HECW1: variants seen among roughly 807,000 people sequenced by gnomAD.
HECW1 encodes the protein HECT, C2 and WW domain containing E3 ubiquitin protein ligase 1.
In HECW1, 61 loss-of-function variants were observed where a neutral mutation model predicts 182.3. The ratio of observed to expected loss-of-function variants is 0.33; its 90% CI spans 0.27 to 0.41. The LOEUF (loss-of-function observed/expected upper bound fraction) is 0.41. Ranked by LOEUF, HECW1 falls within the 10% of genes least tolerant of loss-of-function variation. The pLI is 1.00. For missense variants in HECW1, 1,739 were observed against 2,108.9 expected (o/e 0.82, Z 3.44); for synonymous variants, 859 against 832.6 (o/e 1.03, Z -0.55).
chr7:43,389,558 AT>A (rs1389833470), intron 6 of HECW1, among the ~76,000 whole-genome samples: 1 of 152,224 alleles, frequency 6.6e-6, no homozygotes, highest in Non-Finnish European at 1.5e-5. Context: ...TATTGGATTA[AT>A]CTCAGCTAGC....
intron 2 of HECW1, among the ~76,000 whole-genome samples, chr7:43,187,061 G>A (rs934976735): frequency 5.5e-5 from 8 of 146,338 alleles, no homozygotes; most frequent in African/African-American, 1.9e-4. Context: ...CAGTCAAGAC[G>A]TCAGTCAAAA....
intron 11 of HECW1, among the ~76,000 whole-genome samples, chr7:43,448,611 A>G (rs115059231): frequency 0.013 from 2,032 of 152,368 alleles, 33 homozygotes; most frequent in African/African-American, 0.041. Flanking sequence ...TTCCAGGCAG[A>G]CAAGCAGTGA....
At chr7:43,230,851 A>G (rs915746791) in intron 2 of HECW1, among the ~76,000 whole-genome samples, 1 of 152,162 alleles carries the variant, frequency 6.6e-6, no homozygotes, top group African/African-American at 2.4e-5. Context: ...ATATTCATAC[A>G]ACTTCTCTGT....
chr7:43,457,732 A>G (rs1326616754), intron 13 of HECW1, among the ~76,000 whole-genome samples: 2 of 151,556 alleles, frequency 1.3e-5, no homozygotes, highest in Non-Finnish European at 2.9e-5. Context: ...CTGACATCAC[A>G]CCACTGCACT....
At chr7:43,335,577 A>T (rs1448921429) in intron 5 of HECW1, among the ~76,000 whole-genome samples, 3 of 152,246 alleles carry the variant, frequency 2.0e-5, no homozygotes, top group African/African-American at 7.2e-5. Context: ...ACTGTGAGGA[A>T]TAAATGTCTG....
rs1392111564 is a variant in HECW1 at position 43,197,258 on chromosome 7, G to C, written c.-31-46617G>C. On this transcript the variant is annotated intron_variant, in intron 2 of 29. Coordinates refer to ENST00000395891, the MANE Select transcript of HECW1 (RefSeq NM_015052.5). ...TTTGGGGGTATGGGTGGGGGTCACA[G>C]TCTTACCATGGTAGGAACTCACTCA... Among the ~76,000 whole-genome samples the C allele has an allele frequency of 2.0e-5, 3 of 152,120 alleles. No homozygotes were observed. In the East Asian group the frequency reaches 5.8e-4, roughly 29 times the overall value.
At chr7:43,291,025 C>G (rs998794026) in intron 3 of HECW1, among the ~76,000 whole-genome samples, 10 of 152,216 alleles carry the variant, frequency 6.6e-5, no homozygotes, top group African/African-American at 2.4e-4. Context: ...CACCTCAGTT[C>G]CCTTTACTGT....
At chr7:43,344,336 A>G (rs2152802271) in intron 5 of HECW1, among the ~76,000 whole-genome samples, 1 of 151,832 alleles carries the variant, frequency 6.6e-6, no homozygotes, top group Middle Eastern at 3.4e-3. Context: ...CCTCTGGACA[A>G]CAGTATTCTT....
At chr7:43,271,074 G>C (rs1382476518) in intron 3 of HECW1, among the ~76,000 whole-genome samples, 2 of 152,116 alleles carry the variant, frequency 1.3e-5, no homozygotes, top group African/African-American at 4.8e-5. Context: ...AAATGTCAAG[G>C]AGATAGATTT....
intron 3 of HECW1, among the ~76,000 whole-genome samples, chr7:43,272,580 G>A (rs183847771): frequency 1.3e-3 from 199 of 152,190 alleles, no homozygotes; most frequent in African/African-American, 4.4e-3. Flanking sequence ...GAAATGCTCC[G>A]TGTCACTAAT....
chr7:43,530,996 A>G (rs2080959857), intron 24 of HECW1, among the ~76,000 whole-genome samples: 1 of 152,320 alleles, frequency 6.6e-6, no homozygotes, highest in East Asian at 1.9e-4. Context: ...TTGGCATGGA[A>G]AATAAGACCT....
chr7:43,384,416 C>A (rs1285863063), intron 6 of HECW1, among the ~76,000 whole-genome samples: 1 of 152,130 alleles, frequency 6.6e-6, no homozygotes, highest in Non-Finnish European at 1.5e-5. Context: ...AAGACAGAGC[C>A]CCAAGATGGC....
intron 5 of HECW1, among the ~76,000 whole-genome samples, chr7:43,339,376 C>T (rs1812678464): frequency 6.6e-6 from 1 of 152,196 alleles, no homozygotes; most frequent in African/African-American, 2.4e-5. Flanking sequence ...TCTTTCTGCT[C>T]TACCTGATCT....
chr7:43,178,532 CT>C (rs1792488717), intron 2 of HECW1, among the ~76,000 whole-genome samples: 1 of 152,226 alleles, frequency 6.6e-6, no homozygotes, highest in Non-Finnish European at 1.5e-5. Context: ...CTCCAGACAG[CT>C]TTCTGTAAAG....
chr7:43,462,107 CT>C (rs1402035541), intron 13 of HECW1, among the ~76,000 whole-genome samples: 2 of 152,234 alleles, frequency 1.3e-5, no homozygotes, highest in Admixed American at 1.3e-4. Flanking sequence ...GGAGCCTCAT[CT>C]GTGCAGCGAG....
At chr7:43,331,517 C>A (rs1811484124) in intron 5 of HECW1, among the ~76,000 whole-genome samples, 1 of 151,442 alleles carries the variant, frequency 6.6e-6, no homozygotes, top group Non-Finnish European at 1.5e-5. Context: ...GGCGTGAACC[C>A]AGGAGGTGGA....
chr7:43,466,775 GT>G (rs1269766597), intron 15 of HECW1, among the ~76,000 whole-genome samples: 1 of 151,986 alleles, frequency 6.6e-6, no homozygotes, highest in Non-Finnish European at 1.5e-5. Flanking sequence ...GCCTCTTTGG[GT>G]TTTTTTTAAG....
intron 3 of HECW1, among the ~76,000 whole-genome samples, chr7:43,267,679 A>G (rs1397463744): frequency 6.6e-6 from 1 of 152,092 alleles, no homozygotes; most frequent in Non-Finnish European, 1.5e-5. Flanking sequence ...TTGGGGGACC[A>G]AACACTCTGG....
chr7:43,357,500 G>A (rs1405415088), intron 5 of HECW1, among the ~76,000 whole-genome samples: 1 of 152,132 alleles, frequency 6.6e-6, no homozygotes, highest in Non-Finnish European at 1.5e-5. Context: ...TTCGTATGTG[G>A]GAGCTAACAA....
Sources: allele counts gnomAD v4.1 joint callset (sites outside exome capture counted in the v4.1 genomes callset), GRCh38; gene constraint gnomAD v4.1.1; transcripts MANE v1.5; gene names NCBI Gene and HGNC (gene_info 2026-07-23, HGNC 2026-07-21).